MRPL1: variants seen among roughly 807,000 people sequenced by gnomAD.
The protein encoded by MRPL1 is large ribosomal subunit protein uL1m.
A neutral mutation model predicts 38.0 loss-of-function variants in MRPL1; 28 were observed. That is an observed-to-expected ratio of 0.74 (90% CI 0.55 to 1.01). The LOEUF is 1.01. Among genes scored for constraint, MRPL1 ranks in the 50% least tolerant of loss-of-function variants. The pLI is 0.00. For synonymous variants in MRPL1, 123 were observed against 126.7 expected (o/e 0.97, Z 0.20); for missense variants, 358 against 389.8 (o/e 0.92, Z 0.69).
intron 7 of MRPL1, among the ~76,000 whole-genome samples, chr4:77,932,592 G>A (rs1443067668): frequency 6.6e-6 from 1 of 151,960 alleles, no homozygotes; most frequent in Non-Finnish European, 1.5e-5. Flanking sequence ...CAACCAAAAC[G>A]AGATTACAGA....
At chr4:77,881,443 CTTTTT>C (rs760628841) in intron 2 of MRPL1, among the ~76,000 whole-genome samples, 3 of 133,098 alleles carry the variant, frequency 2.3e-5, no homozygotes, top group Admixed American at 7.5e-5. Flanking sequence ...TCAATATTTA[CTTTTT>C]TTTTTTTTTT....
intron 5 of MRPL1, among the ~76,000 whole-genome samples, chr4:77,889,802 C>G (rs1476184280): frequency 1.3e-5 from 2 of 152,104 alleles, no homozygotes; most frequent in Non-Finnish European, 1.5e-5. Context: ...GGGGATATCA[C>G]CACCGATCCC....
At chr4:77,923,168 T>G (rs1048642271) in intron 7 of MRPL1, among the ~76,000 whole-genome samples, 4 of 152,150 alleles carry the variant, frequency 2.6e-5, no homozygotes, top group Admixed American at 2.6e-4. Context: ...TGATCTTGGC[T>G]CACTGCAACC....
chr4:77,876,364 G>C (rs568246528), intron 2 of MRPL1, among the ~76,000 whole-genome samples: 2 of 152,216 alleles, frequency 1.3e-5, no homozygotes, highest in Admixed American at 1.3e-4. Flanking sequence ...TTATTTATTA[G>C]GGATACTAAT....
intron 7 of MRPL1, among the ~76,000 whole-genome samples, chr4:77,946,273 C>G (rs562567685): frequency 2.8e-4 from 43 of 152,222 alleles, no homozygotes; most frequent in African/African-American, 7.2e-4. Flanking sequence ...TCTGCCTGAC[C>G]CCACAGGCAG....
rs72871123 is a variant in MRPL1 at position 77,946,834 on chromosome 4, C to T, written c.778-2963C>T. ...CCCAGGAGTCTTTCTTCTTTTATCC[C>T]CTTTCTTTTAAATCAGAGAATCTAT... On this transcript the variant is annotated intron_variant, in intron 7 of 8. Transcript: ENST00000315567. 5.8e-4 allele frequency among the ~76,000 whole-genome samples: 88 copies of T among 152,120 alleles called. 1 individual carries two copies. The highest frequency in any genetic ancestry group is 2.0e-3 in the African/African-American group (83 of 41,492).
At chr4:77,928,456 C>G (rs543807881) in intron 7 of MRPL1, among the ~76,000 whole-genome samples, 51 of 152,332 alleles carry the variant, frequency 3.3e-4, no homozygotes, top group Admixed American at 1.3e-4. Context: ...CACTTCCCTT[C>G]CTCCTTTTCC....
rs1035100084 is a variant in MRPL1, at chr4:77,913,286, A to C, written c.777+3914A>C. Among the ~76,000 whole-genome samples the C allele has an allele frequency of 2.6e-5, 4 of 152,308 alleles. 1 individual carries two copies. Among genetic ancestry groups the C allele is most frequent in the African/African-American group, 9.6e-5 (4 of 41,590 alleles). On this transcript the variant is annotated intron_variant, in intron 7 of 8. Coordinates refer to ENST00000315567, the MANE Select transcript of MRPL1 (RefSeq NM_020236.4). The stretch of plus-strand genomic sequence containing the variant: ...AAATCATGTATCTGATAAATTCAAA[A>C]TATATAAAGAACTGTCAAAAACTCA...
At chr4:77,900,073 G>A (rs1736001356) in intron 6 of MRPL1, among the ~76,000 whole-genome samples, 1 of 152,160 alleles carries the variant, frequency 6.6e-6, no homozygotes. Context: ...TTGTGATAAT[G>A]TATGAAGCAC....
At chr4:77,875,413 C>T (rs1245010398) in intron 2 of MRPL1, among the ~76,000 whole-genome samples, 2 of 151,658 alleles carry the variant, frequency 1.3e-5, no homozygotes, top group Non-Finnish European at 2.9e-5. Flanking sequence ...AATCCCAGCA[C>T]TTTGGGAGGC....
At chr4:77,925,853 T>TTTTG (rs1736702575) in intron 7 of MRPL1, among the ~76,000 whole-genome samples, 1 of 152,182 alleles carries the variant, frequency 6.6e-6, no homozygotes, top group South Asian at 2.1e-4. Context: ...TTTTTAATAT[T>TTTTG]TTTGTTTTAT....
intron 5 of MRPL1, among the ~76,000 whole-genome samples, chr4:77,890,809 C>T (rs971905425): frequency 6.6e-6 from 1 of 152,158 alleles, no homozygotes; most frequent in African/African-American, 2.4e-5. Flanking sequence ...AATCAATGTG[C>T]AAAAATCACA....
chr4:77,925,272 TTAGA>T (rs1736687653), intron 7 of MRPL1, among the ~76,000 whole-genome samples: 1 of 151,962 alleles, frequency 6.6e-6, no homozygotes, highest in African/African-American at 2.4e-5. Flanking sequence ...AACTATATAA[TTAGA>T]TATATATGTG....
chr4:77,877,710 T>C (rs1217340160), intron 2 of MRPL1, among the ~76,000 whole-genome samples: 2 of 151,760 alleles, frequency 1.3e-5, no homozygotes, highest in African/African-American at 4.8e-5. Flanking sequence ...GCACCACTTA[T>C]CTGTTGCATG....
intron 7 of MRPL1, among the ~76,000 whole-genome samples, chr4:77,910,504 T>C (rs1221442763): frequency 1.3e-5 from 2 of 152,168 alleles, no homozygotes; most frequent in Non-Finnish European, 2.9e-5. Context: ...TTGAGTGTGG[T>C]GGCATGCACC....
chr4:77,922,356 G>A (rs965400765), intron 7 of MRPL1, among the ~76,000 whole-genome samples: 2 of 152,228 alleles, frequency 1.3e-5, no homozygotes, highest in South Asian at 2.1e-4. Context: ...CATAGCTAGC[G>A]TGGCTAGAGC....
rs146792115 is a variant in MRPL1 at position 77,883,186 on chromosome 4, TAAAA to T, written c.144-51_144-48del. On this transcript the variant is annotated intron_variant, in intron 2 of 8. Transcript: ENST00000315567. ...CTCTTATGTACACTGGCTTTTTTTTTAAAAAAAATCTCTTAGGATATATATTGAT... is the reference window on the plus strand; with the variant it reads ...CTCTTATGTACACTGGCTTTTTTTTTAAAATCTCTTAGGATATATATTGAT... 1,230 of 1,121,682 alleles carry T rather than the reference TAAAA, an allele frequency of 1.1e-3. 12 individuals are homozygous for T. The African/African-American group carries it at 0.015, about 14-fold the overall frequency. 69.5% of individuals were successfully genotyped at this position (1,121,682 alleles called of 1,614,324 possible). A position where few individuals can be genotyped will look rare whatever the true frequency, so the allele number is the denominator to read the frequency against.
chr4:77,911,661 A>G (rs1334998766), intron 7 of MRPL1, among the ~76,000 whole-genome samples: 2 of 152,098 alleles, frequency 1.3e-5, no homozygotes, highest in Non-Finnish European at 2.9e-5. Context: ...CTTCTAAGCT[A>G]GGAAGGAATA....
At chr4:77,875,263 A>T (rs540283284) in intron 2 of MRPL1, among the ~76,000 whole-genome samples, 2 of 152,326 alleles carry the variant, frequency 1.3e-5, no homozygotes, top group Admixed American at 1.3e-4. Flanking sequence ...TAACTGTCAT[A>T]TTAGAGGATT....
Sources: allele counts gnomAD v4.1 joint callset (sites outside exome capture counted in the v4.1 genomes callset), GRCh38; gene constraint gnomAD v4.1.1; transcripts MANE v1.5; gene names NCBI Gene and HGNC (gene_info 2026-07-23, HGNC 2026-07-21).